GRM7: variants seen among roughly 807,000 people sequenced by gnomAD.
GRM7 encodes glutamate metabotropic receptor 7.
In GRM7, 35 loss-of-function variants were observed where a neutral mutation model predicts 84.5. The observed-to-expected ratio is 0.41, with a 90% CI of 0.32 to 0.55. The LOEUF (loss-of-function observed/expected upper bound fraction) is 0.55, where lower values mean the gene tolerates loss of function less well. Ranked by LOEUF, GRM7 falls within the 20% of genes least tolerant of loss-of-function variation. GRM7 has a pLI of 0.19. For missense variants in GRM7, 1,003 were observed against 1,194.6 expected (o/e 0.84, Z 2.36); for synonymous variants, 487 against 455.1 (o/e 1.07, Z -0.89).
At chr3:7,246,681 A>G (rs1294921913) in intron 2 of GRM7, among the ~76,000 whole-genome samples, 1 of 152,112 alleles carries the variant, frequency 6.6e-6, no homozygotes, top group Non-Finnish European at 1.5e-5. Context: ...GCGAGACGTG[A>G]ATAGACCTAA....
chr3:7,513,198 AGTG>A (rs1261141967), intron 7 of GRM7, among the ~76,000 whole-genome samples: 1 of 152,186 alleles, frequency 6.6e-6, no homozygotes, highest in African/African-American at 2.4e-5. Context: ...TGCAGTTAGT[AGTG>A]TCGTCAATTT....
intron 1 of GRM7, among the ~76,000 whole-genome samples, chr3:7,123,000 A>G (rs939755337): frequency 2.0e-5 from 3 of 152,226 alleles, no homozygotes; most frequent in Non-Finnish European, 4.4e-5. Context: ...GTTGAGACAC[A>G]TATGAAAATT....
chr3:7,191,585 A>T (rs1695713126), intron 2 of GRM7, among the ~76,000 whole-genome samples: 1 of 151,714 alleles, frequency 6.6e-6, no homozygotes. Flanking sequence ...AATATTGGTA[A>T]AAGCTACAAC....
intron 6 of GRM7, among the ~76,000 whole-genome samples, chr3:7,456,039 A>AT (rs969474708): frequency 6.6e-6 from 1 of 151,984 alleles, no homozygotes; most frequent in Non-Finnish European, 1.5e-5. Flanking sequence ...TTCTTTCTGT[A>AT]TTTTTTTCTT....
At chr3:6,920,416 A>C (rs1403100182) in intron 1 of GRM7, among the ~76,000 whole-genome samples, 5 of 152,184 alleles carry the variant, frequency 3.3e-5, no homozygotes, top group African/African-American at 4.8e-5. Context: ...TTAGCTGGGC[A>C]TGGTGGCATG....
At chr3:6,867,703 T>C (rs1046571700) in intron 1 of GRM7, among the ~76,000 whole-genome samples, 1 of 152,210 alleles carries the variant, frequency 6.6e-6, no homozygotes, top group Non-Finnish European at 1.5e-5. Context: ...ATGATCTCTA[T>C]GTAAAATGAT....
chr3:7,027,540 G>A (rs781545137), intron 1 of GRM7, among the ~76,000 whole-genome samples: 1 of 151,892 alleles, frequency 6.6e-6, no homozygotes, highest in Non-Finnish European at 1.5e-5. Flanking sequence ...TTACAAATTT[G>A]CCTTTACCTT....
intron 1 of GRM7, among the ~76,000 whole-genome samples, chr3:7,123,321 C>G (rs1574933278): frequency 3.9e-5 from 6 of 152,234 alleles, no homozygotes; most frequent in Admixed American, 3.9e-4. Flanking sequence ...TCTGTGCACT[C>G]TTTTTAAGAA....
rs141045420 is a variant in GRM7, at chr3:7,200,283, C to G, written c.736+53615C>G. On this transcript the variant is annotated intron_variant, in intron 2 of 9. Coordinates refer to ENST00000357716, the MANE Select transcript of GRM7 (RefSeq NM_000844.4). ...CATTGGGGATCAAATTTCAGCATGA[C>G]TTTTGATGGGAACAAACCACATTCA... Among the ~76,000 whole-genome samples, 10 of 152,316 alleles carry G rather than the reference C, an allele frequency of 6.6e-5. No homozygotes were observed. The South Asian group carries it at 1.9e-3, about 28-fold the overall frequency.
At chr3:6,892,169 C>G (rs1373367781) in intron 1 of GRM7, among the ~76,000 whole-genome samples, 1 of 152,120 alleles carries the variant, frequency 6.6e-6, no homozygotes, top group East Asian at 1.9e-4. Flanking sequence ...TTCCTTGAAA[C>G]TGGAAGACAG....
At chr3:6,897,692 T>C (rs560705891) in intron 1 of GRM7, among the ~76,000 whole-genome samples, 1 of 152,330 alleles carries the variant, frequency 6.6e-6, no homozygotes, top group African/African-American at 2.4e-5. Context: ...AAGGTAATAA[T>C]GTGGTTTGTA....
At chr3:6,925,063 T>C (rs764101261) in intron 1 of GRM7, among the ~76,000 whole-genome samples, 68 of 152,260 alleles carry the variant, frequency 4.5e-4, no homozygotes, top group Non-Finnish European at 9.6e-4. Context: ...AAAAGAGATA[T>C]GAGTGGGGAG....
At chr3:7,391,416 G>A (rs1347938849) in intron 4 of GRM7, among the ~76,000 whole-genome samples, 1 of 152,112 alleles carries the variant, frequency 6.6e-6, no homozygotes, top group Non-Finnish European at 1.5e-5. Context: ...GTAGGGACAT[G>A]GATGAAGCTG....
intron 5 of GRM7, among the ~76,000 whole-genome samples, chr3:7,421,010 C>A (rs556955576): frequency 6.6e-6 from 1 of 152,132 alleles, no homozygotes; most frequent in African/African-American, 2.4e-5. Flanking sequence ...AAATGCCATG[C>A]CCATAAAAGG....
At chr3:7,607,772 A>G (rs2046424) in intron 8 of GRM7, 51,305 of 140,750 alleles carry the variant, frequency 0.36, 9,571 homozygotes, top group Non-Finnish European at 0.39. Flanking sequence ...TATATGTGAA[A>G]CTTTTGTACA....
intron 4 of GRM7, among the ~76,000 whole-genome samples, chr3:7,378,302 C>T (rs1224413680): frequency 6.6e-6 from 1 of 152,074 alleles, no homozygotes; most frequent in East Asian, 1.9e-4. Context: ...AAGAAAAAGG[C>T]AGAGATGAAA....
intron 9 of GRM7, among the ~76,000 whole-genome samples, chr3:7,731,896 C>G (rs1337499012): frequency 6.6e-6 from 1 of 152,120 alleles, no homozygotes; most frequent in Non-Finnish European, 1.5e-5. Flanking sequence ...TCATCTCTGT[C>G]CCAACCAATC....
intron 8 of GRM7, among the ~76,000 whole-genome samples, chr3:7,656,222 G>C (rs1699171055): frequency 6.6e-6 from 1 of 152,082 alleles, no homozygotes; most frequent in African/African-American, 2.4e-5. Flanking sequence ...GGGCGCGATG[G>C]CTCACTCCTG....
intron 2 of GRM7, among the ~76,000 whole-genome samples, chr3:7,279,866 C>T (rs568252162): frequency 6.6e-5 from 10 of 152,098 alleles, no homozygotes; most frequent in African/African-American, 1.2e-4. Context: ...CTGAAATGCC[C>T]GGCCAGTTAT....
Sources: allele counts gnomAD v4.1 joint callset (sites outside exome capture counted in the v4.1 genomes callset), GRCh38; gene constraint gnomAD v4.1.1; transcripts MANE v1.5; gene names NCBI Gene and HGNC (gene_info 2026-07-23, HGNC 2026-07-21).